The following FHIT variants were observed in gnomAD, a reference collection of about 807,000 sequenced individuals.
The protein encoded by FHIT is bis(5'-adenosyl)-triphosphatase.
Under a neutral mutation model 17.9 loss-of-function variants are expected in FHIT, and 19 were observed. The observed-to-expected ratio is 1.06, with a 90% CI of 0.74 to 1.56. FHIT has a LOEUF of 1.56. Among genes scored for constraint, FHIT ranks in the 40% most tolerant of loss-of-function variants. The pLI is 0.00. For missense variants in FHIT, 248 were observed against 189.2 expected (o/e 1.31, Z -1.82); for synonymous variants, 81 against 69.7 (o/e 1.16, Z -0.81).
intron 2 of FHIT, among the ~76,000 whole-genome samples, chr3:61,085,402 A>G (rs1212591942): frequency 1.3e-5 from 2 of 151,880 alleles, no homozygotes. Context: ...TCTCCTTTAA[A>G]TTTGCATTTT....
intron 5 of FHIT, among the ~76,000 whole-genome samples, chr3:60,414,719 C>T (rs1702180114): frequency 6.6e-6 from 1 of 152,156 alleles, no homozygotes; most frequent in Non-Finnish European, 1.5e-5. Context: ...TGGCATCTGC[C>T]TTCAAACATA....
chr3:60,193,314 G>A (rs1279006092), intron 5 of FHIT, among the ~76,000 whole-genome samples: 1 of 152,106 alleles, frequency 6.6e-6, no homozygotes, highest in Admixed American at 6.5e-5. Flanking sequence ...AGCACCCTTA[G>A]GTTTCAATGC....
At chr3:61,159,053 GA>G (rs1182484968) in intron 2 of FHIT, among the ~76,000 whole-genome samples, 1 of 152,138 alleles carries the variant, frequency 6.6e-6, no homozygotes, top group Non-Finnish European at 1.5e-5. Context: ...CATTAGTGGG[GA>G]AAAAATAGCT....
chr3:60,350,708 T>C lies in FHIT; in HGVS notation c.103+186152A>G, dbSNP rs567138248. ...CTCCAAAACCTATTTTTTTCTTTTT[T>C]GGTCTAAGATAAGCGTGATGAACAG... On this transcript the variant is annotated intron_variant, in intron 5 of 9. Coordinates refer to ENST00000492590, the MANE Select transcript of FHIT (RefSeq NM_002012.4). 2.4e-3 allele frequency among the ~76,000 whole-genome samples: 372 copies of C among 152,260 alleles called. 4 individuals are homozygous for C. Among genetic ancestry groups the C allele is most frequent in the African/African-American group, 8.4e-3 (351 of 41,570 alleles).
intron 4 of FHIT, among the ~76,000 whole-genome samples, chr3:60,757,766 G>A (rs1553718688): frequency 6.6e-6 from 1 of 152,200 alleles, no homozygotes; most frequent in African/African-American, 2.4e-5. Flanking sequence ...GCTGTTGAAT[G>A]ATTCAGTCTT....
chr3:60,528,788 G>A (rs928281947), intron 5 of FHIT, among the ~76,000 whole-genome samples: 1 of 152,102 alleles, frequency 6.6e-6, no homozygotes, highest in Non-Finnish European at 1.5e-5. Flanking sequence ...ACCCTTGCGT[G>A]CTGCTCACCA....
intron 5 of FHIT, among the ~76,000 whole-genome samples, chr3:60,067,507 T>C (rs1350877580): frequency 6.6e-6 from 1 of 152,138 alleles, no homozygotes; most frequent in Non-Finnish European, 1.5e-5. Context: ...TTTGATTTCC[T>C]CCTTACATGA....
chr3:60,264,363 T>A (rs1259897414), intron 5 of FHIT, among the ~76,000 whole-genome samples: 1 of 143,820 alleles, frequency 7.0e-6, no homozygotes, highest in East Asian at 2.1e-4. Flanking sequence ...TTCCTACCAA[T>A]AGTTCAGCTC....
At chr3:60,844,670 T>C (rs1553745977) in intron 3 of FHIT, among the ~76,000 whole-genome samples, 1 of 152,200 alleles carries the variant, frequency 6.6e-6, no homozygotes, top group Non-Finnish European at 1.5e-5. Context: ...ACTTTGGCTT[T>C]TTCCTTTCAT....
chr3:60,787,293 C>T (rs1700616658), intron 4 of FHIT, among the ~76,000 whole-genome samples: 1 of 152,170 alleles, frequency 6.6e-6, no homozygotes, highest in Non-Finnish European at 1.5e-5. Flanking sequence ...CAGCTTTTTA[C>T]ACATACAGAT....
chr3:61,229,330 T>C (rs1363352787), intron 1 of FHIT, among the ~76,000 whole-genome samples: 2 of 152,162 alleles, frequency 1.3e-5, no homozygotes, highest in African/African-American at 4.8e-5. Flanking sequence ...CAAAGAATGC[T>C]TGGGGCCACC....
At chr3:60,431,557 G>A (rs1702906461) in intron 5 of FHIT, among the ~76,000 whole-genome samples, 1 of 152,040 alleles carries the variant, frequency 6.6e-6, no homozygotes. Context: ...TATTATTTAA[G>A]TATATATTTT....
At chr3:60,220,989 G>A (rs937815258) in intron 5 of FHIT, among the ~76,000 whole-genome samples, 6 of 152,114 alleles carry the variant, frequency 3.9e-5, no homozygotes, top group South Asian at 2.1e-4. Context: ...GGCTCCTGGC[G>A]GCTATTAAAA....
At chr3:59,797,468 T>G (rs1255789568) in intron 8 of FHIT, among the ~76,000 whole-genome samples, 4 of 152,228 alleles carry the variant, frequency 2.6e-5, no homozygotes, top group Non-Finnish European at 5.9e-5. Flanking sequence ...ATTACAGGTT[T>G]GAGCCACTGT....
chr3:61,204,738 C>CA (rs1343220538), intron 1 of FHIT, among the ~76,000 whole-genome samples: 1 of 150,700 alleles, frequency 6.6e-6, no homozygotes. Flanking sequence ...AAATAGGAAC[C>CA]AAAAAAAAGC....
intron 5 of FHIT, among the ~76,000 whole-genome samples, chr3:60,231,250 T>C (rs1704482170): frequency 6.6e-6 from 1 of 152,182 alleles, no homozygotes; most frequent in Non-Finnish European, 1.5e-5. Flanking sequence ...CACATACACA[T>C]ACACAGAAGC....
rs1377142389 is a variant in FHIT at position 59,944,506 on chromosome 3, AT to A, written c.280-22093del. 6.0e-5 allele frequency among the ~76,000 whole-genome samples: 5 copies of A among 83,776 alleles called. No individual in the cohort carries two copies. The East Asian group carries it at 3.8e-3, about 63-fold the overall frequency. 55.0% of individuals were successfully genotyped at this position (83,776 alleles called of 152,430 possible). A position where few individuals can be genotyped will look rare whatever the true frequency, so the allele number is the denominator to read the frequency against. ...AATAATATGCTGCCCTTTATTAAAC[AT>A]TTTTTTCTTTTTTTTTTATTTAAAC... On this transcript the variant is annotated intron_variant, in intron 7 of 9. Transcript: ENST00000492590.
At chr3:60,253,976 C>A (rs1049818322) in intron 5 of FHIT, among the ~76,000 whole-genome samples, 20 of 152,170 alleles carry the variant, frequency 1.3e-4, no homozygotes, top group African/African-American at 4.8e-4. Context: ...CAAAATAACT[C>A]AAACCTACAA....
At chr3:60,091,555 G>T (rs1490790953) in intron 5 of FHIT, among the ~76,000 whole-genome samples, 1 of 152,096 alleles carries the variant, frequency 6.6e-6, no homozygotes, top group African/African-American at 2.4e-5. Context: ...TTTACTGTAT[G>T]ATATGGTTTG....
Sources: allele counts gnomAD v4.1 joint callset (sites outside exome capture counted in the v4.1 genomes callset), GRCh38; gene constraint gnomAD v4.1.1; transcripts MANE v1.5; gene names NCBI Gene and HGNC (gene_info 2026-07-23, HGNC 2026-07-21).